CNTNAP2: variants seen among roughly 807,000 people sequenced by gnomAD.
CNTNAP2 encodes contactin-associated protein-like 2.
CNTNAP2 carries 98 observed loss-of-function variants against 155.2 expected under a neutral mutation model. The ratio of observed to expected loss-of-function variants is 0.63; its 90% CI spans 0.54 to 0.75. The LOEUF (loss-of-function observed/expected upper bound fraction) is 0.75, where lower values mean the gene tolerates loss of function less well. Among genes scored for constraint, CNTNAP2 ranks in the 30% least tolerant of loss-of-function variants. The pLI is 0.00. For synonymous variants in CNTNAP2, 651 were observed against 631.2 expected (o/e 1.03, Z -0.47); for missense variants, 1,727 against 1,688.1 (o/e 1.02, Z -0.40).
At chr7:148,012,949 A>G (rs1802107206) in intron 15 of CNTNAP2, among the ~76,000 whole-genome samples, 1 of 152,160 alleles carries the variant, frequency 6.6e-6, no homozygotes, top group African/African-American at 2.4e-5. Flanking sequence ...TCTAGCTTTC[A>G]AATTATACCA....
Position 146,733,080 on chromosome 7 carries a change from A to G in CNTNAP2, c.98-41191A>G, listed in dbSNP as rs553261827. Among the ~76,000 whole-genome samples the G allele has an allele frequency of 1.5e-4, 23 of 152,274 alleles. 1 individual carries two copies. In the East Asian group the frequency reaches 4.2e-3, roughly 28 times the overall value. ...TAATCATAGACCACTAATAGAAAAGATATTAATTGGGATTGAGAATGGAAA... is the reference window on the plus strand; with the variant it reads ...TAATCATAGACCACTAATAGAAAAGGTATTAATTGGGATTGAGAATGGAAA... On this transcript the variant is annotated intron_variant, in intron 1 of 23. Coordinates refer to ENST00000361727, the MANE Select transcript of CNTNAP2 (RefSeq NM_014141.6).
At chr7:146,743,594 C>G (rs1472205258) in intron 1 of CNTNAP2, among the ~76,000 whole-genome samples, 2 of 150,238 alleles carry the variant, frequency 1.3e-5, no homozygotes, top group Non-Finnish European at 3.0e-5. Context: ...TTTAATGTGT[C>G]TTAAGTACTT....
chr7:148,222,108 G>C (rs1795757294), intron 19 of CNTNAP2, among the ~76,000 whole-genome samples: 1 of 152,070 alleles, frequency 6.6e-6, no homozygotes, highest in Admixed American at 6.5e-5. Context: ...GACAGCCGTG[G>C]GCTTCAGCTT....
intron 3 of CNTNAP2, chr7:146,915,782 CCT>C (rs1796381014): frequency 6.6e-6 from 1 of 152,018 alleles, no homozygotes; most frequent in African/African-American, 2.4e-5. Context: ...AGTTTGACTT[CCT>C]CTCTACTGAT....
At chr7:146,813,209 G>T (rs1803100535) in intron 2 of CNTNAP2, among the ~76,000 whole-genome samples, 1 of 152,152 alleles carries the variant, frequency 6.6e-6, no homozygotes, top group African/African-American at 2.4e-5. Flanking sequence ...CTGTCCTCTA[G>T]ACCAGAGAAT....
chr7:147,857,510 G>T (rs549503571), intron 13 of CNTNAP2, among the ~76,000 whole-genome samples: 52 of 152,236 alleles, frequency 3.4e-4, no homozygotes, highest in African/African-American at 1.1e-3. Flanking sequence ...CACTAATCAG[G>T]TTCATCATCA....
At chr7:147,070,735 T>C (rs1252961388) in intron 4 of CNTNAP2, among the ~76,000 whole-genome samples, 1 of 152,126 alleles carries the variant, frequency 6.6e-6, no homozygotes, top group Non-Finnish European at 1.5e-5. Flanking sequence ...CTTCTTAGAG[T>C]ACGGATTCCA....
chr7:148,365,126 C>T (rs1798713677), intron 21 of CNTNAP2, among the ~76,000 whole-genome samples: 1 of 152,234 alleles, frequency 6.6e-6, no homozygotes, highest in African/African-American at 2.4e-5. Context: ...TTTCACCTGG[C>T]TCAGAGCTCA....
In CNTNAP2 at chr7:147,956,559, C is replaced by G. The variant is rs562908701; in HGVS notation, c.2256-21303C>G. ...TGCCGCTGACACCCTTGCCTGAAGACACATGCCCATATCGAAGCACATGCA... is the reference window on the plus strand; with the variant it reads ...TGCCGCTGACACCCTTGCCTGAAGAGACATGCCCATATCGAAGCACATGCA... On this transcript the variant is annotated intron_variant, in intron 14 of 23. Coordinates refer to ENST00000361727, the MANE Select transcript of CNTNAP2 (RefSeq NM_014141.6). 2.0e-5 allele frequency among the ~76,000 whole-genome samples: 3 copies of G among 152,288 alleles called. No individual in the cohort carries two copies. The South Asian group carries it at 6.2e-4, about 32-fold the overall frequency.
At chr7:146,932,348 T>A (rs1796782252) in intron 3 of CNTNAP2, among the ~76,000 whole-genome samples, 1 of 151,688 alleles carries the variant, frequency 6.6e-6, no homozygotes, top group Non-Finnish European at 1.5e-5. Context: ...CATGATTATC[T>A]CAATAGATGC....
chr7:146,364,483 A>G, intron 1 of CNTNAP2, among the ~76,000 whole-genome samples: 1 of 152,206 alleles, frequency 6.6e-6, no homozygotes, highest in East Asian at 1.9e-4. Context: ...ATACATTTTA[A>G]AGTAAAAATA....
At chr7:146,495,437 T>C (rs1797199954) in intron 1 of CNTNAP2, among the ~76,000 whole-genome samples, 1 of 152,100 alleles carries the variant, frequency 6.6e-6, no homozygotes, top group Non-Finnish European at 1.5e-5. Context: ...TGATAATTAG[T>C]TACCCTCTGA....
At chr7:147,453,137 T>C (rs1797861726) in intron 10 of CNTNAP2, among the ~76,000 whole-genome samples, 1 of 152,204 alleles carries the variant, frequency 6.6e-6, no homozygotes, top group South Asian at 2.1e-4. Flanking sequence ...TGGCAAAGCC[T>C]GCTCCTCAGC....
In CNTNAP2 at chr7:148,061,351, AT is replaced by A. The variant is rs1451025453; in HGVS notation, c.2384-56761del. On this transcript the variant is annotated intron_variant, in intron 15 of 23. Coordinates refer to ENST00000361727, the MANE Select transcript of CNTNAP2 (RefSeq NM_014141.6). ...GAATTCCAAAGTGCCCACTTTTTAA[AT>A]TTTTTATTATTTATTTTTTGAGACA... Among the ~76,000 whole-genome samples, 3 of 151,092 alleles carry A rather than the reference AT, an allele frequency of 2.0e-5. No individual in the cohort carries two copies. In the East Asian group the frequency reaches 5.9e-4, roughly 30 times the overall value.
intron 1 of CNTNAP2, among the ~76,000 whole-genome samples, chr7:146,275,470 G>C (rs1190827809): frequency 1.3e-5 from 2 of 152,004 alleles, no homozygotes; most frequent in South Asian, 4.1e-4. Flanking sequence ...AGAATGATAT[G>C]ATATAAAGAA....
chr7:146,611,883 G>T (rs1202565539), intron 1 of CNTNAP2, among the ~76,000 whole-genome samples: 1 of 152,148 alleles, frequency 6.6e-6, no homozygotes, highest in East Asian at 1.9e-4. Context: ...CAAACAGAAA[G>T]TCTTCTTTTG....
At chr7:147,601,644 A>ATATATAT (rs1554410012) in intron 12 of CNTNAP2, among the ~76,000 whole-genome samples, 8 of 87,460 alleles carry the variant, frequency 9.1e-5, no homozygotes, top group Admixed American at 2.9e-4. Context: ...CTTAAAAAAA[A>ATATATAT]ATATATATAT....
chr7:146,537,813 A>G (rs1159781669), intron 1 of CNTNAP2, among the ~76,000 whole-genome samples: 2 of 151,990 alleles, frequency 1.3e-5, no homozygotes, highest in African/African-American at 2.4e-5. Flanking sequence ...ACTTGGGTTG[A>G]GTTACGTGGG....
At chr7:146,603,737 G>A (rs1168526098) in intron 1 of CNTNAP2, among the ~76,000 whole-genome samples, 1 of 150,944 alleles carries the variant, frequency 6.6e-6, no homozygotes, top group Non-Finnish European at 1.5e-5. Context: ...ATAGATCAAT[G>A]GAACAGAACA....
Sources: allele counts gnomAD v4.1 joint callset (sites outside exome capture counted in the v4.1 genomes callset), GRCh38; gene constraint gnomAD v4.1.1; transcripts MANE v1.5; gene names NCBI Gene and HGNC (gene_info 2026-07-23, HGNC 2026-07-21).